The following FBXL14 variants were observed in gnomAD, a reference collection of about 807,000 sequenced individuals.
FBXL14 encodes the protein F-box/LRR-repeat protein 14.
Under a neutral mutation model 24.5 loss-of-function variants are expected in FBXL14, and 11 were observed. The observed-to-expected ratio is 0.45, with a 90% CI of 0.28 to 0.74. The LOEUF (loss-of-function observed/expected upper bound fraction) is 0.74. Among genes scored for constraint, FBXL14 ranks in the 30% least tolerant of loss-of-function variants. The pLI, the probability that FBXL14 is intolerant of heterozygous loss-of-function variation, is 0.12. For missense variants in FBXL14, 384 were observed against 545.6 expected (o/e 0.70, Z 2.95); for synonymous variants, 294 against 240.4 (o/e 1.22, Z -2.06).
rs536585384 is a variant in FBXL14, at chr12:1,569,833, A to G, written c.1195-3023T>C. On this transcript the variant is annotated intron_variant, in intron 1 of 1. Coordinates refer to ENST00000339235, the MANE Select transcript of FBXL14 (RefSeq NM_152441.3). This position sits in a 1 kb window ranked among gnomAD's most constrained non-coding sequence, Gnocchi z 4.2. ...TTGTTGAAGGCTGTGCCACTCACCC[A>G]GAGTCCCCTGTGCAAAGGAAGGGAG... Among the ~76,000 whole-genome samples, 83 of 152,350 alleles carry G rather than the reference A, an allele frequency of 5.4e-4. No individual in the cohort carries two copies. Among genetic ancestry groups the G allele is most frequent in the African/African-American group, 1.9e-3 (81 of 41,580 alleles).
intron 1 of FBXL14, among the ~76,000 whole-genome samples, chr12:1,576,072 G>A (rs2094455374): frequency 6.6e-6 from 1 of 152,166 alleles, no homozygotes; most frequent in South Asian, 2.1e-4. Context: ...GACAGCGGGA[G>A]GAAACCTTAA....
intron 1 of FBXL14, among the ~76,000 whole-genome samples, chr12:1,590,464 G>T (rs1184781902): frequency 6.6e-6 from 1 of 152,008 alleles, no homozygotes; most frequent in Non-Finnish European, 1.5e-5. Context: ...AAACAACCCA[G>T]ACCAATGTGA....
intron 1 of FBXL14, 80 bp from the exon 2 acceptor site, chr12:1,566,890 A>G: frequency 1.4e-6 from 1 of 738,738 alleles, no homozygotes; most frequent in Non-Finnish European, 2.5e-6. Flanking sequence ...GCCTCCCCTA[A>G]CCCCACCGCG....
chr12:1,593,810 A>G lies in FBXL14; in HGVS notation c.257T>C (p.Ile86Thr). The change falls in exon 1 of 2, where the codon ATC (isoleucine) becomes ACC (threonine). Residue 86 changes from isoleucine (I) to threonine (T), a missense_variant. By Grantham distance (89) the Ile-to-Thr change is moderately conservative. Transcript: ENST00000339235. This position sits in a 1 kb window ranked among gnomAD's most constrained non-coding sequence, Gnocchi z 7.4. ...LSLRRSLSYV[I>T]QGMANIESLN... ...GCTCTCGATGTTGGCCATGCCCTGG[A>G]TCACGTAGCTGAGGCTGCGGCGGAG... The G allele has an allele frequency of 6.2e-7, 1 of 1,614,088 alleles. No individual in the cohort carries two copies. Among genetic ancestry groups the G allele is most frequent in the Non-Finnish European group, 8.5e-7 (1 of 1,179,984 alleles).
chr12:1,589,668 C>A (rs1305747588), intron 1 of FBXL14, among the ~76,000 whole-genome samples: 1 of 152,140 alleles, frequency 6.6e-6, no homozygotes, highest in Non-Finnish European at 1.5e-5. Flanking sequence ...CACATAGGTT[C>A]TCAACACGTT....
chr12:1,590,543 G>A (rs1352348244), intron 1 of FBXL14, among the ~76,000 whole-genome samples: 2 of 151,858 alleles, frequency 1.3e-5, no homozygotes, highest in African/African-American at 2.4e-5. Context: ...CAAACCACAG[G>A]GTGTCAGATT....
rs1313578296 is a variant in FBXL14, at chr12:1,569,414, T to G, written c.1195-2604A>C. On this transcript the variant is annotated intron_variant, in intron 1 of 1. Coordinates refer to ENST00000339235, the MANE Select transcript of FBXL14 (RefSeq NM_152441.3). This position sits in a 1 kb window ranked among gnomAD's most constrained non-coding sequence, Gnocchi z 4.2. ...ACTTCGTTCTTTTTTTTTTTTTTTT[T>G]GTCTGAGACGGAGTCTCGCTCTGTC... is the stretch of plus-strand genomic sequence containing the variant. Among the ~76,000 whole-genome samples the G allele has an allele frequency of 7.7e-6, 1 of 129,494 alleles. No individual in the cohort carries two copies. 85.0% of individuals were successfully genotyped at this position (129,494 alleles called of 152,430 possible).
rs1333235281 is a variant in FBXL14, at chr12:1,579,347, G to C, written c.1195-12537C>G. 2.6e-5 allele frequency among the ~76,000 whole-genome samples: 4 copies of C among 152,088 alleles called. No individual in the cohort carries two copies. The highest frequency in any genetic ancestry group is 5.9e-5 in the Non-Finnish European group (4 of 68,010). On this transcript the variant is annotated intron_variant, in intron 1 of 1. Coordinates refer to ENST00000339235, the MANE Select transcript of FBXL14 (RefSeq NM_152441.3). The surrounding 1 kb of genome is among the most constrained non-coding windows in gnomAD (Gnocchi z 4.3). ...AAAAATAATCTGGGCCGGGCACGGTGGCTCACGCCTGTAATCCCAGCACTT... is the reference window on the plus strand; with the variant it reads ...AAAAATAATCTGGGCCGGGCACGGTCGCTCACGCCTGTAATCCCAGCACTT...
In FBXL14 at chr12:1,567,324, AAAAG is replaced by A. The variant is rs961505732; in HGVS notation, c.1195-518_1195-515del. ...CTAAAAATAAAAATTAAAAAAAAGG[AAAAG>A]AAAGAAAAGAAAAATTAGCTGGGCG... On this transcript the variant is annotated intron_variant, in intron 1 of 1. Transcript: ENST00000339235. The surrounding 1 kb of genome is among the most constrained non-coding windows in gnomAD (Gnocchi z 4.8). Among the ~76,000 whole-genome samples the A allele has an allele frequency of 1.3e-5, 2 of 151,816 alleles. No individual in the cohort carries two copies. Among genetic ancestry groups the A allele is most frequent in the Non-Finnish European group, 1.5e-5 (1 of 67,942 alleles).
intron 1 of FBXL14, among the ~76,000 whole-genome samples, chr12:1,582,608 G>A (rs1179957060): frequency 6.6e-6 from 1 of 152,106 alleles, no homozygotes; most frequent in East Asian, 1.9e-4. Flanking sequence ...AGACCTTCAC[G>A]GATGGTGCCA....
At chr12:1,592,450 C>G (rs759536707) in intron 1 of FBXL14, among the ~76,000 whole-genome samples, 12 of 151,784 alleles carry the variant, frequency 7.9e-5, no homozygotes, top group Non-Finnish European at 1.3e-4. Context: ...AAAACCAGAT[C>G]ACAGTATTCA....
chr12:1,582,624 G>T (rs996281555), intron 1 of FBXL14, among the ~76,000 whole-genome samples: 12 of 152,176 alleles, frequency 7.9e-5, no homozygotes, highest in African/African-American at 2.4e-4. Context: ...TGCCAGGAAT[G>T]AATGTAATTT....
At chr12:1,577,974 G>T (rs983701512) in intron 1 of FBXL14, among the ~76,000 whole-genome samples, 1 of 152,156 alleles carries the variant, frequency 6.6e-6, no homozygotes, top group African/African-American at 2.4e-5. Context: ...AGCGTGGCTG[G>T]GAGAAGCTGA....
chr12:1,581,806 C>G (rs1339067454), intron 1 of FBXL14, among the ~76,000 whole-genome samples: 4 of 152,176 alleles, frequency 2.6e-5, no homozygotes, highest in African/African-American at 9.6e-5. Flanking sequence ...TCTGTGGTTA[C>G]AGAAAGAGGG....
In FBXL14 at chr12:1,582,208, GAGAA is replaced by G. The variant is rs751699120; in HGVS notation, c.1194+10661_1194+10664del. ...GAAAGGAAGAAAAGGAAGAAAGAAAGAGAAAGAAGAAAGAAAAAGAGAAAGAAAG... is the reference window on the plus strand; with the variant it reads ...GAAAGGAAGAAAAGGAAGAAAGAAAGAGAAGAAAGAAAAAGAGAAAGAAAG... On this transcript the variant is annotated intron_variant, in intron 1 of 1. Coordinates refer to ENST00000339235, the MANE Select transcript of FBXL14 (RefSeq NM_152441.3). 2.0e-3 allele frequency among the ~76,000 whole-genome samples: 297 copies of G among 150,638 alleles called. 2 individuals are homozygous for G. The highest frequency in any genetic ancestry group is 0.012 in the East Asian group (64 of 5,150).
At chr12:1,581,651 A>G (rs956128730) in intron 1 of FBXL14, among the ~76,000 whole-genome samples, 8 of 152,214 alleles carry the variant, frequency 5.3e-5, no homozygotes, top group Non-Finnish European at 1.2e-4. Flanking sequence ...GCACAGAACT[A>G]GAGTGACAGC....
intron 1 of FBXL14, among the ~76,000 whole-genome samples, chr12:1,572,174 G>A (rs1306796121): frequency 6.6e-6 from 1 of 152,224 alleles, no homozygotes; most frequent in African/African-American, 2.4e-5. Context: ...CAAGGATAGA[G>A]CATTTTAGGT....
rs1565593006 is a variant in FBXL14, at chr12:1,594,157, G to GCCT, written c.-92_-91insAGG. On this transcript the variant is annotated 5_prime_UTR_variant, in exon 1 of 2. Transcript: ENST00000339235. ...CAGGCGACGAGAGCGCTTCTCCCCA[G>GCCT]CCGCCGCCGCCGCCGCCGCCGCCGC... 1.6e-6 allele frequency: 1 copy of GCCT among 621,134 alleles called. No individual in the cohort carries two copies. Among genetic ancestry groups the GCCT allele is most frequent in the Non-Finnish European group, 1.9e-6 (1 of 528,996 alleles). The allele number at this position is 621,134 out of a possible 1,614,324, so 38.5% of individuals were successfully genotyped here.
intron 1 of FBXL14, among the ~76,000 whole-genome samples, chr12:1,575,992 C>T (rs118050332): frequency 3.3e-5 from 5 of 152,312 alleles, no homozygotes; most frequent in East Asian, 1.9e-4. Flanking sequence ...TGGAGATGCA[C>T]ATGACAAATT....
Sources: allele counts gnomAD v4.1 joint callset (sites outside exome capture counted in the v4.1 genomes callset), GRCh38; gene constraint gnomAD v4.1.1; non-coding constraint Gnocchi (gnomAD v3.1); transcripts MANE v1.5; gene names NCBI Gene and HGNC (gene_info 2026-07-23, HGNC 2026-07-21).